OR5BS1: variants seen among roughly 807,000 people sequenced by gnomAD.
OR5BS1 encodes the protein olfactory receptor family 5 subfamily BS member 1.
chr12:48,562,713 G>T, the OR5BS1 span: 31 of 399,438 alleles, frequency 7.8e-5, no homozygotes, highest in Admixed American at 8.8e-4. Flanking sequence ...AGTCTTTGCA[G>T]GGAGGGGATG....
chr12:48,562,678 T>A, the OR5BS1 span: 1 of 397,580 alleles, frequency 2.5e-6, no homozygotes, highest in Non-Finnish European at 4.5e-6. Context: ...CCAGAGAAAG[T>A]CAGCTCTGAA....
the OR5BS1 span, among the ~76,000 whole-genome samples, chr12:48,561,022 C>T: frequency 3.3e-5 from 5 of 151,336 alleles, no homozygotes; most frequent in African/African-American, 1.2e-4. Flanking sequence ...AGAATTGCTT[C>T]AGCCTCGGAG....
At chr12:48,561,007 G>A in the OR5BS1 span, among the ~76,000 whole-genome samples, 1 of 151,922 alleles carries the variant, frequency 6.6e-6, no homozygotes, top group Non-Finnish European at 1.5e-5. Flanking sequence ...GGAGGCTGAG[G>A]CAGGAGAATT....
At chr12:48,560,320 G>A in the OR5BS1 span, 2 of 401,416 alleles carry the variant, frequency 5.0e-6, no homozygotes, top group Admixed American at 4.4e-5. Flanking sequence ...CCTGGTGGGG[G>A]CATCCTGGGC....
At chr12:48,560,377 C>T in the OR5BS1 span, 2 of 401,572 alleles carry the variant, frequency 5.0e-6, no homozygotes, top group East Asian at 7.1e-5. Context: ...CCTGGCTCAG[C>T]AGCACTTCTG....
the OR5BS1 span, among the ~76,000 whole-genome samples, chr12:48,562,475 T>A: frequency 6.6e-6 from 1 of 152,252 alleles, no homozygotes. Context: ...TTATTCATTC[T>A]ATTTTTTTGT....
the OR5BS1 span, chr12:48,562,799 T>TGATTCCA: frequency 1.7e-5 from 7 of 401,780 alleles, no homozygotes; most frequent in Admixed American, 4.4e-5. Flanking sequence ...TCAAGGTATA[T>TGATTCCA]GATTCCAGCA....
At chr12:48,560,310 C>T in the OR5BS1 span, 2 of 401,270 alleles carry the variant, frequency 5.0e-6, no homozygotes, top group Non-Finnish European at 8.8e-6. Context: ...TGTGTGCTGG[C>T]CTGGTGGGGG....
the OR5BS1 span, chr12:48,560,773 C>T: frequency 1.3e-5 from 5 of 397,006 alleles, no homozygotes; most frequent in Non-Finnish European, 2.2e-5. Context: ...GGCTCTAGTG[C>T]TGGCTCTACC....
the OR5BS1 span, chr12:48,560,167 G>A: frequency 1.0e-5 from 4 of 401,360 alleles, no homozygotes; most frequent in South Asian, 5.0e-4. Context: ...ATCCTTCCTT[G>A]AGTGTTTCAC....
chr12:48,562,880 T>C, the OR5BS1 span: 1 of 401,932 alleles, frequency 2.5e-6, no homozygotes, highest in African/African-American at 2.1e-5. Context: ...AACCCCCTCA[T>C]CTACAGTCTG....
the OR5BS1 span, among the ~76,000 whole-genome samples, chr12:48,561,773 A>G: frequency 6.6e-6 from 1 of 152,172 alleles, no homozygotes; most frequent in African/African-American, 2.4e-5. Flanking sequence ...AGAGAAAAAA[A>G]AATAAGTAAA....
the OR5BS1 span, among the ~76,000 whole-genome samples, chr12:48,561,124 C>A: frequency 2.7e-5 from 4 of 150,356 alleles, no homozygotes; most frequent in East Asian, 3.9e-4. Context: ...AAAACAGAAT[C>A]TATTTTCTTT....
At chr12:48,562,555 T>C in the OR5BS1 span, among the ~76,000 whole-genome samples, 4 of 152,228 alleles carry the variant, frequency 2.6e-5, no homozygotes, top group African/African-American at 9.6e-5. Flanking sequence ...GCAGAACTGC[T>C]TGTTCCTCGG....
At chr12:48,561,257 A>G in the OR5BS1 span, among the ~76,000 whole-genome samples, 6 of 152,230 alleles carry the variant, frequency 3.9e-5, no homozygotes, top group Non-Finnish European at 8.8e-5. Flanking sequence ...TAGATTTTTA[A>G]TCAGTGTTAG....
the OR5BS1 span, chr12:48,562,791 A>G: frequency 2.5e-6 from 1 of 401,682 alleles, no homozygotes; most frequent in African/African-American, 2.1e-5. Context: ...AATTCCCTTC[A>G]AGGTATATGA....
At chr12:48,562,613 T>A in the OR5BS1 span, among the ~76,000 whole-genome samples, 1 of 152,182 alleles carries the variant, frequency 6.6e-6, no homozygotes, top group Admixed American at 6.5e-5. Context: ...TTTGGAAGTG[T>A]TTGAAGGCAG....
the OR5BS1 span, among the ~76,000 whole-genome samples, chr12:48,562,614 T>C: frequency 6.6e-6 from 1 of 152,184 alleles, no homozygotes; most frequent in Non-Finnish European, 1.5e-5. Context: ...TTGGAAGTGT[T>C]TGAAGGCAGA....
the OR5BS1 span, among the ~76,000 whole-genome samples, chr12:48,561,100 CAAAAAAA>C: frequency 3.6e-5 from 4 of 109,692 alleles, no homozygotes; most frequent in Admixed American, 3.6e-4. Context: ...GAGACTAGGT[CAAAAAAA>C]AAAAAAAAAA....
Sources: allele counts gnomAD v4.1 joint callset (sites outside exome capture counted in the v4.1 genomes callset), GRCh38; gene constraint gnomAD v4.1.1; transcripts MANE v1.5; gene names NCBI Gene and HGNC (gene_info 2026-07-23, HGNC 2026-07-21).